The following SVOP variants were observed in gnomAD, a reference collection of about 807,000 sequenced individuals.
SVOP encodes the protein SV2 related protein.
SVOP carries 17 observed loss-of-function variants against 69.1 expected under a neutral mutation model. That is an observed-to-expected ratio of 0.25 (90% CI 0.17 to 0.37). The LOEUF (loss-of-function observed/expected upper bound fraction) is 0.37. Ranked by LOEUF, SVOP falls within the 10% of genes least tolerant of loss-of-function variation. SVOP has a pLI of 1.00. For missense variants in SVOP, 435 were observed against 597.5 expected (o/e 0.73, Z 2.84); for synonymous variants, 238 against 238.6 (o/e 1.00, Z 0.02).
At chr12:108,928,595 C>G (rs1274676330) in intron 11 of SVOP, among the ~76,000 whole-genome samples, 1 of 150,186 alleles carries the variant, frequency 6.7e-6, no homozygotes, top group Non-Finnish European at 1.5e-5. Context: ...GAGACAGAAC[C>G]TCACTCTGTC....
intron 1 of SVOP, among the ~76,000 whole-genome samples, chr12:108,997,597 C>A (rs1469269699): frequency 1.3e-5 from 2 of 152,012 alleles, no homozygotes; most frequent in African/African-American, 4.8e-5. Context: ...GTTCTCCCAG[C>A]ACGCAGCTGG....
chr12:108,997,561 G>T (rs2040242818), intron 1 of SVOP, among the ~76,000 whole-genome samples: 1 of 152,090 alleles, frequency 6.6e-6, no homozygotes, highest in African/African-American at 2.4e-5. Flanking sequence ...AAATGTCCCT[G>T]TCTGACAGCT....
intron 15 of SVOP, among the ~76,000 whole-genome samples, chr12:108,913,024 C>T (rs1486529826): frequency 7.9e-5 from 12 of 152,080 alleles, no homozygotes; most frequent in Admixed American, 7.9e-4. Context: ...TCAAATAAAT[C>T]TCTTCTTTAT....
In SVOP at chr12:108,923,551, C is replaced by A. The variant is rs777099101; in HGVS notation, c.1049-754G>T. Among the ~76,000 whole-genome samples the A allele has an allele frequency of 3.3e-5, 5 of 152,190 alleles. No homozygotes were observed. The South Asian group carries it at 6.2e-4, about 19-fold the overall frequency. ...CCAGTCCTGGCTGATGCCTTGATTG[C>A]AGCCTGGCAAAGGACCCTGCTAAGT... On this transcript the variant is annotated intron_variant, in intron 11 of 15. Coordinates refer to ENST00000610966, the MANE Select transcript of SVOP (RefSeq NM_018711.5).
intron 6 of SVOP, among the ~76,000 whole-genome samples, chr12:108,945,997 A>G (rs540037724): frequency 6.6e-6 from 1 of 152,330 alleles, no homozygotes; most frequent in Admixed American, 6.5e-5. Context: ...GATTATGCCA[A>G]TATCCTGTTC....
At chr12:108,944,198 G>A (rs1034502232) in intron 7 of SVOP, among the ~76,000 whole-genome samples, 5 of 149,712 alleles carry the variant, frequency 3.3e-5, no homozygotes, top group African/African-American at 1.2e-4. Context: ...TTTTTTAATA[G>A]ATGGGGTCTT....
chr12:108,927,442 C>T (rs1421194510), intron 11 of SVOP, among the ~76,000 whole-genome samples: 1 of 152,156 alleles, frequency 6.6e-6, no homozygotes. Flanking sequence ...TCCTTTAACT[C>T]ATCTATCACC....
chr12:108,938,872 T>C lies in SVOP; in HGVS notation c.852A>G (p.Glu284=), dbSNP rs1432851144. Residue 284 remains glutamate (E), a synonymous_variant, in exon 9 of 16, where the codon GAA becomes GAG. Transcript: ENST00000610966. The part of the protein sequence containing the change: ...AIATLKRIAT[E]NGAPMPLGKL... ...TCCCCAGCGGCATGGGAGCTCCGTTTTCAGTTGCTATCCTCTTTAAGGTGG... is the reference window on the plus strand; with the variant it reads ...TCCCCAGCGGCATGGGAGCTCCGTTCTCAGTTGCTATCCTCTTTAAGGTGG... The C allele has an allele frequency of 1.9e-6, 3 of 1,613,908 alleles. No individual in the cohort carries two copies. The African/African-American group carries it at 4.0e-5, about 22-fold the overall frequency.
intron 6 of SVOP, among the ~76,000 whole-genome samples, chr12:108,950,747 T>C (rs146931155): frequency 8.9e-4 from 135 of 152,324 alleles, no homozygotes; most frequent in African/African-American, 3.2e-3. Context: ...TTTATTTAAC[T>C]GCCCCCTAAT....
Position 108,926,944 on chromosome 12 carries a change from G to A in SVOP, c.1049-4147C>T, listed in dbSNP as rs1402378072. 4.6e-5 allele frequency among the ~76,000 whole-genome samples: 7 copies of A among 152,314 alleles called. No individual in the cohort carries two copies. In the East Asian group the frequency reaches 1.3e-3, roughly 29 times the overall value. On this transcript the variant is annotated intron_variant, in intron 11 of 15. Transcript: ENST00000610966. Reference sequence around the variant, plus strand: ...GATATTTGTTTAGCAAACAGCCTTGGAAGAAAGAGAATGTCTCCCCTTGGC... The same window carrying A: ...GATATTTGTTTAGCAAACAGCCTTGAAAGAAAGAGAATGTCTCCCCTTGGC...
chr12:108,995,856 C>T (rs1416503306), intron 1 of SVOP, among the ~76,000 whole-genome samples: 1 of 151,126 alleles, frequency 6.6e-6, no homozygotes, highest in Non-Finnish European at 1.5e-5. Context: ...GAGCTGAGAT[C>T]GCACCACTGC....
chr12:108,980,145 T>C (rs1487866224), intron 2 of SVOP, among the ~76,000 whole-genome samples: 1 of 152,126 alleles, frequency 6.6e-6, no homozygotes, highest in Non-Finnish European at 1.5e-5. Context: ...GCCACTGCAC[T>C]CCAGCCTGGG....
At position 108,940,797 on chromosome 12, in the gene SVOP, G is replaced by A. The variant is rs866879872; in HGVS notation, c.755C>T (p.Ala252Val). 3 of 1,537,082 alleles carry A rather than the reference G, an allele frequency of 2.0e-6. No homozygotes were observed. Among genetic ancestry groups the A allele is most frequent in the African/African-American group, 2.7e-5 (2 of 73,052 alleles). Residue 252 changes from alanine (A) to valine (V), a missense_variant, in exon 8 of 16, where the codon GCC becomes GTC. By Grantham distance (64) the Ala-to-Val change is moderately conservative. Transcript: ENST00000610966. ...AAGGATACCTACGAAACACAGCACG[G>A]CAAAGAGGAGGAGCGGGACAGCTGA... The part of the protein sequence containing the change: ...ILSAVPLLLF[A>V]VLCFWLPESA...
intron 11 of SVOP, among the ~76,000 whole-genome samples, chr12:108,929,305 T>C (rs2039801464): frequency 6.6e-6 from 1 of 151,766 alleles, no homozygotes; most frequent in Admixed American, 6.6e-5. Flanking sequence ...ATTTATTTAG[T>C]TAGTTAGTTA....
intron 7 of SVOP, 65 bp downstream of exon 7, chr12:108,945,038 A>AGACATCT: frequency 6.9e-7 from 1 of 1,448,072 alleles, no homozygotes. Context: ...CTGTGGTTCA[A>AGACATCT]GACATCTGAG....
chr12:108,992,412 G>A (rs1033713872), intron 1 of SVOP, among the ~76,000 whole-genome samples: 1 of 152,006 alleles, frequency 6.6e-6, no homozygotes, highest in South Asian at 2.1e-4. Flanking sequence ...GCAGTGGTGT[G>A]TGCCTGTAGT....
At chr12:108,936,717 A>T (rs940148987) in intron 10 of SVOP, among the ~76,000 whole-genome samples, 1 of 152,170 alleles carries the variant, frequency 6.6e-6, no homozygotes, top group African/African-American at 2.4e-5. Context: ...CTCGAGAGAT[A>T]TTCCCACCTT....
Position 108,978,076 on chromosome 12 carries a change from G to A in SVOP, c.282+502C>T, listed in dbSNP as rs558316096. On this transcript the variant is annotated intron_variant, in intron 3 of 15. Coordinates refer to ENST00000610966, the MANE Select transcript of SVOP (RefSeq NM_018711.5). ...ACGATAAAGGCAGCTTTTCCAATTA[G>A]GGGGGGAAATGTTGTGGGGAAATTG... 9.9e-5 allele frequency among the ~76,000 whole-genome samples: 15 copies of A among 152,148 alleles called. No homozygotes were observed. In the South Asian group the frequency reaches 3.1e-3, roughly 32 times the overall value.
intron 7 of SVOP, among the ~76,000 whole-genome samples, chr12:108,944,077 C>T (rs897293742): frequency 6.6e-6 from 1 of 152,098 alleles, no homozygotes; most frequent in African/African-American, 2.4e-5. Flanking sequence ...GATGGGGTTT[C>T]ACCGTGTTGG....
Sources: allele counts gnomAD v4.1 joint callset (sites outside exome capture counted in the v4.1 genomes callset), GRCh38; gene constraint gnomAD v4.1.1; transcripts MANE v1.5; gene names NCBI Gene and HGNC (gene_info 2026-07-23, HGNC 2026-07-21).